The following BAIAP2 variants were observed in gnomAD, a reference collection of about 807,000 sequenced individuals.
BAIAP2 encodes BAR/IMD domain-containing adapter protein 2.
BAIAP2 carries 18 observed loss-of-function variants against 63.0 expected under a neutral mutation model. The ratio of observed to expected loss-of-function variants is 0.29; its 90% confidence interval spans 0.20 to 0.42. BAIAP2 has a LOEUF of 0.42. Among genes scored for constraint, BAIAP2 ranks in the 10% least tolerant of loss-of-function variants. The pLI, the probability that BAIAP2 is intolerant of heterozygous loss-of-function variation, is 1.00. For synonymous variants in BAIAP2, 386 were observed against 307.6 expected (o/e 1.25, Z -2.67); for missense variants, 610 against 734.3 (o/e 0.83, Z 1.96).
At chr17:81,080,688 C>G (rs1017323308) in intron 3 of BAIAP2, among the ~76,000 whole-genome samples, 8 of 152,196 alleles carry the variant, frequency 5.3e-5, no homozygotes, top group African/African-American at 1.7e-4. Context: ...TGCTTGTTAT[C>G]TGGTCTTGAC....
chr17:81,036,891 T>A, intron 1 of BAIAP2: 1 of 1,535,622 alleles, frequency 6.5e-7, no homozygotes, highest in Non-Finnish European at 8.7e-7. Flanking sequence ...CAGCGGAACC[T>A]TTTTCCTATT....
At chr17:81,048,383 A>G (rs375459410) in intron 1 of BAIAP2, among the ~76,000 whole-genome samples, 162 of 143,014 alleles carry the variant, frequency 1.1e-3, no homozygotes, top group African/African-American at 4.0e-3. Context: ...AAAAAAAAGA[A>G]TTCCTGAGCA....
At chr17:81,085,012 G>C in intron 4 of BAIAP2, 119 bp downstream of exon 4, 4 of 1,043,384 alleles carry the variant, frequency 3.8e-6, no homozygotes, top group Non-Finnish European at 5.8e-6. Flanking sequence ...ACACTCGGAG[G>C]CAGGGAGGGA....
chr17:81,102,038 C>G (rs1188513732), intron 7 of BAIAP2, among the ~76,000 whole-genome samples: 4 of 152,170 alleles, frequency 2.6e-5, no homozygotes, highest in African/African-American at 4.8e-5. Context: ...AGCCAGGCTG[C>G]TTGCCGCAGG....
At chr17:81,103,072 G>A (rs2058706947) in intron 7 of BAIAP2, among the ~76,000 whole-genome samples, 1 of 152,174 alleles carries the variant, frequency 6.6e-6, no homozygotes, top group Non-Finnish European at 1.5e-5. Flanking sequence ...TGTGTCTGAC[G>A]GGGCTGCCTT....
chr17:81,114,250 A>G (rs1390800762), intron 13 of BAIAP2, among the ~76,000 whole-genome samples: 1 of 148,902 alleles, frequency 6.7e-6, no homozygotes, highest in African/African-American at 2.5e-5. Context: ...CTGGGATTCT[A>G]GGCAGGAGCC....
At chr17:81,113,767 A>G (rs1163457634) in intron 13 of BAIAP2, among the ~76,000 whole-genome samples, 1 of 152,174 alleles carries the variant, frequency 6.6e-6, no homozygotes, top group East Asian at 1.9e-4. Context: ...TGCAGGTTAG[A>G]GAACAGGCCT....
intron 1 of BAIAP2, among the ~76,000 whole-genome samples, chr17:81,045,210 G>A (rs1007653498): frequency 4.6e-5 from 7 of 152,216 alleles, no homozygotes; most frequent in Non-Finnish European, 1.5e-5. Context: ...TGAGAGTTGA[G>A]GACGCCAGGG....
chr17:81,074,930 T>C (rs149129897), intron 3 of BAIAP2, among the ~76,000 whole-genome samples: 5 of 152,388 alleles, frequency 3.3e-5, no homozygotes, highest in African/African-American at 1.2e-4. Flanking sequence ...CTGCAACTTC[T>C]CTCCAGGTTG....
At chr17:81,042,473 G>T (rs2047221287) in intron 1 of BAIAP2, among the ~76,000 whole-genome samples, 2 of 152,050 alleles carry the variant, frequency 1.3e-5, no homozygotes, top group South Asian at 4.1e-4. Context: ...TGATCAGCAG[G>T]TTTTCAGACA....
At chr17:81,111,786 A>G (rs1471508152) in intron 13 of BAIAP2, among the ~76,000 whole-genome samples, 3 of 152,162 alleles carry the variant, frequency 2.0e-5, no homozygotes, top group Non-Finnish European at 4.4e-5. Flanking sequence ...CACACCTTCC[A>G]ATCGCCTACA....
chr17:81,116,478 C>T lies in BAIAP2; in HGVS notation c.*639C>T, dbSNP rs1021558097. 1.1e-5 allele frequency: 9 copies of T among 820,300 alleles called. No individual in the cohort carries two copies. The African/African-American group carries it at 1.6e-4, about 14-fold the overall frequency. The allele number at this position is 820,300 out of a possible 1,614,324, so 50.8% of individuals were successfully genotyped here. On this transcript the variant is annotated 3_prime_UTR_variant, in exon 14 of 14. Transcript: ENST00000428708. ...CCTCGGGCAGGCCCCAGCCCTCCTC[C>T]TTACCCAACCTCCCATCCAGAACCT...
At chr17:81,103,275 G>C (rs914316456) in intron 7 of BAIAP2, among the ~76,000 whole-genome samples, 3 of 152,258 alleles carry the variant, frequency 2.0e-5, no homozygotes, top group Non-Finnish European at 4.4e-5. Flanking sequence ...CATCCCTGGA[G>C]GTCCCCCGAC....
chr17:81,067,481 G>A (rs1273750679), intron 3 of BAIAP2, among the ~76,000 whole-genome samples: 6 of 152,258 alleles, frequency 3.9e-5, no homozygotes, highest in South Asian at 2.1e-4. Flanking sequence ...CAGCTTTGCG[G>A]TGCAGGCTGA....
intron 6 of BAIAP2, chr17:81,098,164 C>T (rs2057953262): frequency 6.8e-7 from 1 of 1,469,088 alleles, no homozygotes. Context: ...GGGTTTGGAA[C>T]TGTCACTTCC....
chr17:81,065,789 G>A (rs2051355714), intron 3 of BAIAP2, among the ~76,000 whole-genome samples: 1 of 152,254 alleles, frequency 6.6e-6, no homozygotes, highest in Non-Finnish European at 1.5e-5. Context: ...ACCTGGGCAG[G>A]TGGCTCTAGC....
In BAIAP2 at chr17:81,104,659, G is replaced by C. The variant is rs377336256; in HGVS notation, c.1212G>C (p.Leu404=). 1.2e-6 allele frequency: 2 copies of C among 1,608,096 alleles called. No individual in the cohort carries two copies. The highest frequency in any genetic ancestry group is 1.7e-6 in the Non-Finnish European group (2 of 1,177,910). The change falls in exon 10 of 14, where the codon CTG becomes CTC. Residue 404 remains leucine (L), a synonymous_variant. Transcript: ENST00000428708. ...TCAAGGAGGGTGACCTCATTACCCT[G>C]CTGGTGCCTGAGGCCCGCGATGGCT... The part of the protein sequence containing the change: ...LSFKEGDLIT[L]LVPEARDGWH...
chr17:81,048,947 C>T (rs919518807), intron 1 of BAIAP2, among the ~76,000 whole-genome samples: 7 of 152,212 alleles, frequency 4.6e-5, no homozygotes, highest in South Asian at 4.1e-4. Context: ...GTGTGGGAGC[C>T]CCTCGTGGGC....
chr17:81,093,782 G>A (rs1214220368), intron 6 of BAIAP2, among the ~76,000 whole-genome samples: 2 of 152,190 alleles, frequency 1.3e-5, no homozygotes, highest in Non-Finnish European at 2.9e-5. Context: ...AATTAACACA[G>A]CAGAGACAAA....
Sources: allele counts gnomAD v4.1 joint callset (sites outside exome capture counted in the v4.1 genomes callset), GRCh38; gene constraint gnomAD v4.1.1; transcripts MANE v1.5; gene names NCBI Gene and HGNC (gene_info 2026-07-23, HGNC 2026-07-21).